ZNF678: variants seen among roughly 807,000 people sequenced by gnomAD.
ZNF678 encodes zinc finger protein 678.
ZNF678 carries 5 observed loss-of-function variants against 3.0 expected under a neutral mutation model. The ratio of observed to expected loss-of-function variants is 1.69; its 90% CI spans 0.88 to 3.56. ZNF678 has a LOEUF of 3.56. ZNF678 is among the 30% of genes most tolerant of loss of function. The probability of loss-of-function intolerance (pLI) is 0.00; values close to 1 mark genes in which losing one functional copy is unlikely to be tolerated. For missense variants in ZNF678, 593 were observed against 605.0 expected (o/e 0.98, Z 0.21); for synonymous variants, 218 against 199.6 (o/e 1.09, Z -0.78).
At chr1:227,570,098 G>T in intron 1 of ZNF678, among the ~76,000 whole-genome samples, 1 of 152,196 alleles carries the variant, frequency 6.6e-6, no homozygotes, top group East Asian at 1.9e-4. Flanking sequence ...TTTTTGGGCA[G>T]ACTGGATTGT....
downstream of ZNF678, among the ~76,000 whole-genome samples, chr1:227,677,915 A>C (rs1233487172): frequency 6.6e-6 from 1 of 152,186 alleles, no homozygotes; most frequent in African/African-American, 2.4e-5. Flanking sequence ...GCAATTCTAT[A>C]CTCATCACCA....
chr1:227,628,579 G>A (rs1045373537), intron 1 of ZNF678, among the ~76,000 whole-genome samples: 1 of 152,312 alleles, frequency 6.6e-6, no homozygotes, highest in South Asian at 2.1e-4. Context: ...GGCTGGATAC[G>A]TTCCTCACTG....
In ZNF678 at chr1:227,580,033, C is replaced by T. The variant is rs1223346551; in HGVS notation, c.-164+16309C>T. ...TGCTAACTCAAGTGTCTCTGGTGGT[C>T]GAGGGGTCTCTTCCTGCTCGGGGTT... On this transcript the variant is annotated intron_variant, in intron 1 of 3. Transcript: ENST00000343776. Among the ~76,000 whole-genome samples the T allele has an allele frequency of 4.6e-5, 7 of 152,068 alleles. No individual in the cohort carries two copies. In the East Asian group the frequency reaches 5.8e-4, roughly 13 times the overall value.
At chr1:227,637,726 C>T (rs980613905) in intron 1 of ZNF678, among the ~76,000 whole-genome samples, 3 of 152,096 alleles carry the variant, frequency 2.0e-5, no homozygotes, top group Non-Finnish European at 4.4e-5. Context: ...CTTCGTATAA[C>T]GGTTTGGCAA....
At chr1:227,593,423 C>T (rs1201822846) in intron 1 of ZNF678, among the ~76,000 whole-genome samples, 1 of 152,180 alleles carries the variant, frequency 6.6e-6, no homozygotes, top group Non-Finnish European at 1.5e-5. Flanking sequence ...GCAGTCCATC[C>T]TTGCCCTTTA....
intron 3 of ZNF678, 42 bp from the exon 4 acceptor site, chr1:227,654,294 A>G: frequency 7.1e-7 from 1 of 1,406,154 alleles, no homozygotes; most frequent in Non-Finnish European, 9.5e-7. Context: ...TATTTACTGG[A>G]GATTAGTAAG....
chr1:227,600,002 T>C (rs1039868715), intron 1 of ZNF678, among the ~76,000 whole-genome samples: 1 of 152,196 alleles, frequency 6.6e-6, no homozygotes, highest in Non-Finnish European at 1.5e-5. Flanking sequence ...CCCATGTCTG[T>C]TGTTCCCTTC....
chr1:227,661,041 A>G lies in ZNF678; in HGVS notation c.*5213A>G, dbSNP rs1659391160. On this transcript the variant is annotated 3_prime_UTR_variant, in exon 4 of 4. Transcript: ENST00000343776. ...CTAGAGGAGGACACAAAGGCATCATATGTTACATTCTCGTGACATATAATG... is the reference window on the plus strand; with the variant it reads ...CTAGAGGAGGACACAAAGGCATCATGTGTTACATTCTCGTGACATATAATG... The G allele has an allele frequency of 6.6e-6, 1 of 152,070 alleles. No homozygotes were observed. Among genetic ancestry groups the G allele is most frequent in the African/African-American group, 2.4e-5 (1 of 41,320 alleles). 9.4% of individuals were successfully genotyped at this position (152,070 alleles called of 1,614,324 possible).
At chr1:227,580,686 T>C (rs1434444583) in intron 1 of ZNF678, among the ~76,000 whole-genome samples, 1 of 152,108 alleles carries the variant, frequency 6.6e-6, no homozygotes, top group African/African-American at 2.4e-5. Flanking sequence ...TCTCAGCACT[T>C]TGGGAGGCCA....
intron 3 of ZNF678, among the ~76,000 whole-genome samples, chr1:227,653,040 G>T (rs914882165): frequency 3.3e-5 from 5 of 151,958 alleles, no homozygotes; most frequent in African/African-American, 1.2e-4. Context: ...TAGTATTCTT[G>T]CTTTAAAGTT....
intron 1 of ZNF678, among the ~76,000 whole-genome samples, chr1:227,586,564 C>G (rs2102733449): frequency 6.6e-6 from 1 of 152,086 alleles, no homozygotes; most frequent in East Asian, 1.9e-4. Flanking sequence ...AATTGATAAA[C>G]TTAAAAATAA....
intron 2 of ZNF678, among the ~76,000 whole-genome samples, chr1:227,648,498 TTA>T (rs1349557102): frequency 3.9e-5 from 6 of 152,216 alleles, no homozygotes; most frequent in Non-Finnish European, 8.8e-5. Flanking sequence ...GACATTATTA[TTA>T]ACTGTATTCA....
rs1215413242 is a variant in ZNF678, at chr1:227,659,589, C to T, written c.*3761C>T. Reference sequence around the variant, plus strand: ...GGTTCTAGAACATGCTGGTAAATATCAGAGTTTCTATGCTTATGGCTGATA... The same window carrying T: ...GGTTCTAGAACATGCTGGTAAATATTAGAGTTTCTATGCTTATGGCTGATA... On this transcript the variant is annotated 3_prime_UTR_variant, in exon 4 of 4. Transcript: ENST00000343776. 3 of 152,038 alleles carry T rather than the reference C, an allele frequency of 2.0e-5. No homozygotes were observed. The highest frequency in any genetic ancestry group is 1.5e-5 in the Non-Finnish European group (1 of 67,998). 9.4% of individuals were successfully genotyped at this position (152,038 alleles called of 1,614,324 possible). A position where few individuals can be genotyped will look rare whatever the true frequency, so the allele number is the denominator to read the frequency against.
chr1:227,582,487 A>AT (rs59111806), intron 1 of ZNF678: 81,135 of 111,900 alleles, frequency 0.73, 31,308 homozygotes, highest in Middle Eastern at 0.79. Flanking sequence ...TGCCCAGCTA[A>AT]TTTTTTTTTT....
intron 1 of ZNF678, among the ~76,000 whole-genome samples, chr1:227,579,987 C>T (rs1657084984): frequency 6.6e-6 from 1 of 152,076 alleles, no homozygotes; most frequent in African/African-American, 2.4e-5. Flanking sequence ...GGTTGCAGCT[C>T]TAAGGGACAG....
intron 1 of ZNF678, chr1:227,599,048 C>G: frequency 1.3e-6 from 2 of 1,586,116 alleles, no homozygotes; most frequent in East Asian, 2.2e-5. Context: ...AGGCCTTGGT[C>G]GATTCAAATA....
chr1:227,618,286 C>T (rs1658191068), intron 1 of ZNF678, among the ~76,000 whole-genome samples: 1 of 152,196 alleles, frequency 6.6e-6, no homozygotes, highest in African/African-American at 2.4e-5. Flanking sequence ...CTGGGCAATC[C>T]TTCACTCCCC....
intron 1 of ZNF678, among the ~76,000 whole-genome samples, chr1:227,571,934 C>G (rs1421822327): frequency 1.3e-5 from 2 of 152,274 alleles, no homozygotes; most frequent in South Asian, 2.1e-4. Context: ...CCCAGCTACT[C>G]AGGAGGCTGA....
intron 2 of ZNF678, among the ~76,000 whole-genome samples, chr1:227,649,489 T>G (rs146031410): frequency 6.6e-6 from 1 of 152,286 alleles, no homozygotes; most frequent in East Asian, 1.9e-4. Flanking sequence ...TAGCCAAGAT[T>G]ACAGGCATGC....
Sources: allele counts gnomAD v4.1 joint callset (sites outside exome capture counted in the v4.1 genomes callset), GRCh38; gene constraint gnomAD v4.1.1; transcripts MANE v1.5; gene names NCBI Gene and HGNC (gene_info 2026-07-23, HGNC 2026-07-21).